ADAM12: variants seen among roughly 807,000 people sequenced by gnomAD.
The protein encoded by ADAM12 is ADAM metallopeptidase domain 12, also known as disintegrin and metalloproteinase domain-containing protein 12.
Under a neutral mutation model 106.4 loss-of-function variants are expected in ADAM12, and 70 were observed. The ratio of observed to expected loss-of-function variants is 0.66; its 90% CI spans 0.54 to 0.80. The LOEUF (loss-of-function observed/expected upper bound fraction) is 0.80, where lower values mean the gene tolerates loss of function less well. Ranked by LOEUF, ADAM12 falls within the 30% of genes least tolerant of loss-of-function variation. The pLI is 0.00. For missense variants in ADAM12, 1,010 were observed against 1,171.9 expected (o/e 0.86, Z 2.02); for synonymous variants, 420 against 433.5 (o/e 0.97, Z 0.39).
intron 1 of ADAM12, among the ~76,000 whole-genome samples, chr10:126,335,680 C>T (rs370947975): frequency 5.3e-5 from 8 of 151,884 alleles, no homozygotes; most frequent in East Asian, 1.9e-4. Flanking sequence ...TTTAAAATAA[C>T]GTAAGTGAAG....
chr10:126,033,268 G>T (rs1375919923), intron 21 of ADAM12, among the ~76,000 whole-genome samples: 2 of 152,034 alleles, frequency 1.3e-5, no homozygotes, highest in Non-Finnish European at 2.9e-5. Flanking sequence ...TTTTAAAAGG[G>T]CCAGTTTGCC....
intron 3 of ADAM12, among the ~76,000 whole-genome samples, chr10:126,158,333 G>T (rs1219462205): frequency 6.6e-6 from 1 of 151,330 alleles, no homozygotes; most frequent in Admixed American, 6.6e-5. Flanking sequence ...GAGCATGGAG[G>T]GGAGGATGCA....
intron 3 of ADAM12, among the ~76,000 whole-genome samples, chr10:126,205,227 A>G (rs2133826588): frequency 6.6e-6 from 1 of 152,196 alleles, no homozygotes; most frequent in African/African-American, 2.4e-5. Flanking sequence ...AGCAAGTTGT[A>G]CCTTGCTTCC....
At chr10:126,244,777 T>C (rs915331111) in intron 3 of ADAM12, among the ~76,000 whole-genome samples, 44 of 152,128 alleles carry the variant, frequency 2.9e-4, no homozygotes, top group African/African-American at 1.1e-3. Context: ...TTGTATGGAA[T>C]GAAAGAGGAA....
chr10:126,189,226 C>A (rs77101888), intron 3 of ADAM12, among the ~76,000 whole-genome samples: 3 of 152,078 alleles, frequency 2.0e-5, no homozygotes, highest in African/African-American at 7.2e-5. Flanking sequence ...CATAGAAAAC[C>A]GAGCAAGGTG....
rs560294990 is a variant in ADAM12, at chr10:126,264,145, T to C, written c.260+14770A>G. The stretch of plus-strand genomic sequence containing the variant: ...TGAAAATATTAATGAATAATTGTTT[T>C]CATTTTACGAAAACCACATGTAAAA... On this transcript the variant is annotated intron_variant, in intron 3 of 22. Transcript: ENST00000448723. Among the ~76,000 whole-genome samples the C allele has an allele frequency of 3.3e-5, 5 of 152,380 alleles. No individual in the cohort carries two copies. In the South Asian group the frequency reaches 1.0e-3, roughly 32 times the overall value.
chr10:126,355,262 A>G (rs1310746486), intron 1 of ADAM12, among the ~76,000 whole-genome samples: 1 of 152,256 alleles, frequency 6.6e-6, no homozygotes, highest in Non-Finnish European at 1.5e-5. Context: ...TAAAAGGAAT[A>G]GTGTTGATTA....
At chr10:126,237,856 G>C (rs996085421) in intron 3 of ADAM12, among the ~76,000 whole-genome samples, 1 of 152,150 alleles carries the variant, frequency 6.6e-6, no homozygotes, top group African/African-American at 2.4e-5. Context: ...AAGAGCTTGG[G>C]ACAAGCTAGG....
chr10:126,030,477 A>G (rs1203419226), intron 21 of ADAM12, among the ~76,000 whole-genome samples: 1 of 152,138 alleles, frequency 6.6e-6, no homozygotes. Context: ...GACCCTTTAT[A>G]CTGTTGAGAT....
At chr10:126,067,106 G>A (rs568309935) in intron 12 of ADAM12, 2 of 377,594 alleles carry the variant, frequency 5.3e-6, no homozygotes, top group Non-Finnish European at 1.0e-5. Context: ...GTACACTGGG[G>A]CTCTGTAGAG....
chr10:126,025,516 G>C (rs75363152), intron 21 of ADAM12, among the ~76,000 whole-genome samples: 15 of 151,958 alleles, frequency 9.9e-5, no homozygotes, highest in Admixed American at 2.6e-4. Context: ...ATGAACAGAA[G>C]GTCTTGAGAA....
intron 8 of ADAM12, among the ~76,000 whole-genome samples, chr10:126,105,977 CCATGTAGCCATAGCCT>C (rs1955758517): frequency 6.6e-6 from 1 of 152,196 alleles, no homozygotes; most frequent in Admixed American, 6.5e-5. Context: ...CCAGAAAGTT[CCATGTAGCCATAGCCT>C]CTCTCTGAGT....
chr10:126,113,830 T>C (rs539749817), intron 6 of ADAM12, among the ~76,000 whole-genome samples: 1 of 148,924 alleles, frequency 6.7e-6, no homozygotes, highest in Non-Finnish European at 1.5e-5. Flanking sequence ...CATGCAGTCG[T>C]CCAGGTGAGA....
intron 3 of ADAM12, among the ~76,000 whole-genome samples, chr10:126,215,846 T>C (rs536336561): frequency 3.3e-4 from 51 of 152,344 alleles, no homozygotes; most frequent in African/African-American, 1.2e-3. Flanking sequence ...TCAGGGGTGT[T>C]AGCCAAGGTT....
chr10:126,159,640 C>T (rs1174438943), intron 3 of ADAM12, among the ~76,000 whole-genome samples: 2 of 152,250 alleles, frequency 1.3e-5, no homozygotes, highest in South Asian at 4.1e-4. Flanking sequence ...GGAGAAAAGT[C>T]ATTTTACGTA....
intron 8 of ADAM12, 38 bp downstream of exon 8, chr10:126,108,555 C>A: frequency 6.4e-7 from 1 of 1,573,828 alleles, no homozygotes; most frequent in African/African-American, 1.3e-5. Flanking sequence ...CAAACATTTA[C>A]ATGATCTGAA....
Position 126,043,208 on chromosome 10 carries a change from C to G in ADAM12, c.1996-60G>C. 6.7e-7 allele frequency: 1 copy of G among 1,497,442 alleles called. No homozygotes were observed. The highest frequency in any genetic ancestry group is 9.2e-7 in the Non-Finnish European group (1 of 1,087,102). The allele number at this position is 1,497,442 out of a possible 1,614,324, so 92.8% of individuals were successfully genotyped here. On this transcript the variant is annotated intron_variant, in intron 17 of 22. Transcript: ENST00000448723. This position sits in a 1 kb window ranked among gnomAD's most constrained non-coding sequence, Gnocchi z 4.1. ...GCATATGCTCTGTGCATCACCACAGCAGAAGCAAGGGGGGCCATGGTCAGA... is the reference window on the plus strand; with the variant it reads ...GCATATGCTCTGTGCATCACCACAGGAGAAGCAAGGGGGGCCATGGTCAGA...
intron 5 of ADAM12, among the ~76,000 whole-genome samples, chr10:126,132,057 C>T (rs148536583): frequency 6.6e-6 from 1 of 151,726 alleles, no homozygotes; most frequent in Non-Finnish European, 1.5e-5. Flanking sequence ...CTCACTGCAA[C>T]CCCCGCCTCC....
At chr10:126,365,117 G>C (rs771346940) in intron 1 of ADAM12, among the ~76,000 whole-genome samples, 2 of 152,088 alleles carry the variant, frequency 1.3e-5, no homozygotes, top group South Asian at 4.1e-4. Flanking sequence ...AGTATGATTG[G>C]TGACTCTCAA....
Sources: allele counts gnomAD v4.1 joint callset (sites outside exome capture counted in the v4.1 genomes callset), GRCh38; gene constraint gnomAD v4.1.1; non-coding constraint Gnocchi (gnomAD v3.1); transcripts MANE v1.5; gene names NCBI Gene and HGNC (gene_info 2026-07-23, HGNC 2026-07-21).